The following GLRX3 variants were observed in gnomAD, a reference collection of about 807,000 sequenced individuals.
GLRX3 encodes the protein glutaredoxin 3.
GLRX3 carries 22 observed loss-of-function variants against 49.5 expected under a neutral mutation model. That is an observed-to-expected ratio of 0.44 (90% confidence interval 0.32 to 0.63). The LOEUF is 0.63. Ranked by LOEUF, GLRX3 falls within the 30% of genes least tolerant of loss-of-function variation. The pLI is 0.05. For missense variants in GLRX3, 385 were observed against 396.3 expected (o/e 0.97, Z 0.24); for synonymous variants, 133 against 140.0 (o/e 0.95, Z 0.35).
chr10:130,166,448 C>A, intron 4 of GLRX3, 59 bp from the exon 5 acceptor site: 1 of 1,216,608 alleles, frequency 8.2e-7, no homozygotes, highest in Non-Finnish European at 1.2e-6. Context: ...AATGTATTAT[C>A]ATGTGTATGT....
intron 10 of GLRX3, among the ~76,000 whole-genome samples, chr10:130,178,060 T>G (rs1414682257): frequency 3.3e-5 from 5 of 152,090 alleles, no homozygotes; most frequent in African/African-American, 1.2e-4. Flanking sequence ...CCATGTCTGT[T>G]TCTGAATTGT....
rs1368812271 is a variant in GLRX3, at chr10:130,166,962, C to G, written c.695C>G (p.Ala232Gly). The G allele has an allele frequency of 6.3e-7, 1 of 1,589,038 alleles. No homozygotes were observed. Among genetic ancestry groups the G allele is most frequent in the African/African-American group, 1.4e-5 (1 of 74,010 alleles). Residue 232 changes from alanine to glycine, a missense_variant, in exon 6 of 11, where the codon GCT (alanine) becomes GGT (glycine). Coordinates refer to ENST00000331244, the MANE Select transcript of GLRX3 (RefSeq NM_006541.5). ...GAACTAGATACAATTTGTCCCAAAG[C>G]TCCCAAATTAGAGGAAAGGTAAGTG... ...SEELDTICPK[A>G]PKLEERLKVL...
chr10:130,148,709 A>G (rs1399790455), intron 2 of GLRX3, among the ~76,000 whole-genome samples: 1 of 152,004 alleles, frequency 6.6e-6, no homozygotes, highest in Non-Finnish European at 1.5e-5. Context: ...GCTGAAAGAC[A>G]AGGTTTTCAT....
chr10:130,139,113 C>T (rs1163600295), intron 1 of GLRX3, among the ~76,000 whole-genome samples: 2 of 151,800 alleles, frequency 1.3e-5, no homozygotes, highest in Non-Finnish European at 2.9e-5. Flanking sequence ...GGCCCGCTTC[C>T]CAGCGTGCTG....
At chr10:130,139,503 A>T (rs7100923) in intron 1 of GLRX3, among the ~76,000 whole-genome samples, 1 of 151,706 alleles carries the variant, frequency 6.6e-6, no homozygotes. Context: ...TTAGCCAGGC[A>T]TGGTGGCAGG....
At chr10:130,146,400 G>A (rs941875366) in intron 2 of GLRX3, among the ~76,000 whole-genome samples, 2 of 152,190 alleles carry the variant, frequency 1.3e-5, no homozygotes, top group African/African-American at 2.4e-5. Flanking sequence ...TCAGAATGTA[G>A]AGGAAGATGG....
At chr10:130,167,785 A>G (rs1366987983) in intron 6 of GLRX3, among the ~76,000 whole-genome samples, 1 of 152,174 alleles carries the variant, frequency 6.6e-6, no homozygotes, top group Non-Finnish European at 1.5e-5. Flanking sequence ...AATAATTTCT[A>G]TAAACAGCGT....
In GLRX3 at chr10:130,166,698, G is replaced by T; in HGVS notation, c.651+19G>T. 6.6e-7 allele frequency: 1 copy of T among 1,511,532 alleles called. No homozygotes were observed. Among genetic ancestry groups the T allele is most frequent in the East Asian group, 2.3e-5 (1 of 44,310 alleles). 93.6% of individuals were successfully genotyped at this position (1,511,532 alleles called of 1,614,324 possible). On this transcript the variant is annotated intron_variant, in intron 5 of 10. Transcript: ENST00000331244. ...AATTAAGGTTAGAATTGAGAAGTCT[G>T]TGCTTTGTAAAGAAATTCCATTTAG... is the stretch of plus-strand genomic sequence containing the variant.
intron 2 of GLRX3, among the ~76,000 whole-genome samples, chr10:130,154,704 C>T (rs1020265460): frequency 6.6e-6 from 1 of 152,026 alleles, no homozygotes; most frequent in Non-Finnish European, 1.5e-5. Context: ...AGTGGCCATC[C>T]CCATTCTTGG....
chr10:130,151,306 A>G (rs1862372743), intron 2 of GLRX3, among the ~76,000 whole-genome samples: 2 of 152,146 alleles, frequency 1.3e-5, no homozygotes, highest in Admixed American at 1.3e-4. Context: ...CAAAATTAAC[A>G]TGGTTTTATT....
intron 3 of GLRX3, 90 bp downstream of exon 3, chr10:130,160,159 AATATTAGGTGT>A: frequency 1.3e-6 from 1 of 756,764 alleles, no homozygotes. Context: ...CTAATCCCCG[AATATTAGGTGT>A]TTGGCTGTTT....
Position 130,136,417 on chromosome 10 carries a change from C to CAGCATGGCGGCGGG in GLRX3, c.-3_11dup. On this transcript the variant is annotated 5_prime_UTR_variant, in exon 1 of 11. In the 5' UTR this introduces an upstream ATG that the reference lacks. Coordinates refer to ENST00000331244, the MANE Select transcript of GLRX3 (RefSeq NM_006541.5). ...CTGGATTGCTTCTGTCTGGCGGCGGCAGCATGGCGGCGGGGGCGGCTGAGG... is the reference window on the plus strand; with the variant it reads ...CTGGATTGCTTCTGTCTGGCGGCGGCAGCATGGCGGCGGGAGCATGGCGGCGGGGGCGGCTGAGG... 1.6e-6 allele frequency: 2 copies of CAGCATGGCGGCGGG among 1,253,202 alleles called. No homozygotes were observed. The highest frequency in any genetic ancestry group is 2.0e-6 in the Non-Finnish European group (2 of 992,834). 77.6% of individuals were successfully genotyped at this position (1,253,202 alleles called of 1,614,324 possible).
chr10:130,151,774 GT>G (rs1433786436), intron 2 of GLRX3, among the ~76,000 whole-genome samples: 1 of 151,958 alleles, frequency 6.6e-6, no homozygotes, highest in Non-Finnish European at 1.5e-5. Context: ...GTCTATTATT[GT>G]TGGTTTAAAG....
intron 1 of GLRX3, among the ~76,000 whole-genome samples, chr10:130,144,624 C>T (rs1862237852): frequency 6.6e-6 from 1 of 152,160 alleles, no homozygotes. Flanking sequence ...CATGTCCCTG[C>T]AAAGGACATG....
intron 8 of GLRX3, 49 bp from the exon 9 acceptor site, chr10:130,174,818 A>C (rs1862882927): frequency 8.3e-7 from 1 of 1,201,264 alleles, no homozygotes; most frequent in South Asian, 1.2e-5. Context: ...GAGGTTTTAC[A>C]CTTTGATTTA....
intron 1 of GLRX3, among the ~76,000 whole-genome samples, chr10:130,138,976 C>G (rs1862121745): frequency 6.7e-6 from 1 of 150,206 alleles, no homozygotes; most frequent in African/African-American, 2.5e-5. Context: ...ATTCTCCTGC[C>G]TCAGCCTTCT....
At chr10:130,138,696 C>A (rs1862113661) in intron 1 of GLRX3, among the ~76,000 whole-genome samples, 1 of 152,028 alleles carries the variant, frequency 6.6e-6, no homozygotes, top group African/African-American at 2.4e-5. Context: ...CCAGAAGTGG[C>A]CTCTTGAAAT....
intron 10 of GLRX3, among the ~76,000 whole-genome samples, chr10:130,175,762 C>T (rs1862904855): frequency 6.6e-6 from 1 of 152,244 alleles, no homozygotes; most frequent in Admixed American, 6.5e-5. Flanking sequence ...CCAACTAACA[C>T]CTGTGTGCTC....
intron 2 of GLRX3, among the ~76,000 whole-genome samples, chr10:130,145,827 A>T (rs1862261491): frequency 6.6e-6 from 1 of 151,156 alleles, no homozygotes; most frequent in Non-Finnish European, 1.5e-5. Flanking sequence ...TTTGAGACAG[A>T]GTCTTGTTCT....
Sources: gnomAD v4.1 joint callset for allele counts (sites outside exome capture counted in the v4.1 genomes callset) on GRCh38, gnomAD v4.1.1 for gene constraint, MANE v1.5 for transcripts, NCBI Gene and HGNC (gene_info 2026-07-23, HGNC 2026-07-21) for gene names.